ATP13A4: variants seen among roughly 807,000 people sequenced by gnomAD.
The protein encoded by ATP13A4 is probable cation-transporting ATPase 13A4.
ATP13A4 carries 114 observed loss-of-function variants against 142.5 expected under a neutral mutation model. The ratio of observed to expected loss-of-function variants is 0.80; its 90% CI spans 0.69 to 0.93. The LOEUF (loss-of-function observed/expected upper bound fraction) is 0.93. Among genes scored for constraint, ATP13A4 ranks in the 40% least tolerant of loss-of-function variants. The probability of loss-of-function intolerance (pLI) is 0.00; values close to 1 mark genes in which losing one functional copy is unlikely to be tolerated. For missense variants in ATP13A4, 1,392 were observed against 1,454.0 expected, an observed-to-expected ratio of 0.96 and a Z score of 0.69; for synonymous variants, 488 against 514.8, an observed-to-expected ratio of 0.95 and a Z score of 0.70.
intron 2 of ATP13A4, among the ~76,000 whole-genome samples, chr3:193,504,354 C>T (rs1283152550): frequency 6.6e-6 from 1 of 152,154 alleles, no homozygotes; most frequent in African/African-American, 2.4e-5. Flanking sequence ...CATTATATAG[C>T]TTTGCTTTTG....
At chr3:193,405,746 C>T (rs1396738020) in intron 29 of ATP13A4, among the ~76,000 whole-genome samples, 1 of 152,058 alleles carries the variant, frequency 6.6e-6, no homozygotes, top group African/African-American at 2.4e-5. Context: ...TTAGTTAAGT[C>T]GTTACTTGCC....
chr3:193,445,636 A>C (rs1232995255), intron 18 of ATP13A4, among the ~76,000 whole-genome samples: 1 of 151,940 alleles, frequency 6.6e-6, no homozygotes, highest in Non-Finnish European at 1.5e-5. Context: ...GCACACCTGT[A>C]GTCCCAGCTA....
chr3:193,567,615 T>C (rs1258052041), intron 2 of ATP13A4, among the ~76,000 whole-genome samples: 2 of 152,202 alleles, frequency 1.3e-5, no homozygotes, highest in Non-Finnish European at 2.9e-5. Context: ...AAGCAACCTA[T>C]GGTCACTTGG....
intron 13 of ATP13A4, among the ~76,000 whole-genome samples, chr3:193,462,157 G>T (rs1206584168): frequency 6.6e-6 from 1 of 151,242 alleles, no homozygotes; most frequent in East Asian, 1.9e-4. Context: ...AGGAGGCGGA[G>T]GTTGCAATGC....
At chr3:193,546,822 A>C (rs541693462) in intron 1 of ATP13A4, among the ~76,000 whole-genome samples, 7 of 152,278 alleles carry the variant, frequency 4.6e-5, no homozygotes, top group African/African-American at 1.7e-4. Context: ...TAACCTCCCT[A>C]TGCCTAAATT....
At chr3:193,506,685 A>G (rs1265527679) in intron 2 of ATP13A4, among the ~76,000 whole-genome samples, 1 of 152,112 alleles carries the variant, frequency 6.6e-6, no homozygotes, top group Non-Finnish European at 1.5e-5. Flanking sequence ...GGGTAATTTA[A>G]TCATGGGGGC....
In ATP13A4 at chr3:193,562,882, C is replaced by T. The variant is rs141024875; in HGVS notation, n.291+18825G>A. Among the ~76,000 whole-genome samples the T allele has an allele frequency of 4.0e-3, 601 of 151,984 alleles. 3 individuals carry two copies. The highest frequency in any genetic ancestry group is 0.017 in the South Asian group (81 of 4,804). ...GAGACTCCATCTCAAATAAAAATAA[C>T]AATAAAAATTAAAAAATCATAGTGG... On this transcript the variant is annotated intron_variant and non_coding_transcript_variant, in intron 2 of 3. Coordinates refer to the ATP13A4 transcript ENST00000489140.
chr3:193,449,536 C>T (rs1457908904), intron 17 of ATP13A4, among the ~76,000 whole-genome samples: 2 of 152,154 alleles, frequency 1.3e-5, no homozygotes, highest in Non-Finnish European at 2.9e-5. Context: ...ATGGCACTTC[C>T]CATTTTCTGA....
At chr3:193,554,671 T>C (rs1723797499) in intron 1 of ATP13A4, 69 bp downstream of exon 1, 1 of 1,458,056 alleles carries the variant, frequency 6.9e-7, no homozygotes, top group Non-Finnish European at 9.6e-7. Flanking sequence ...TGTGTGTGTG[T>C]GTGTGTGTGT....
At chr3:193,459,444 G>A (rs1366199764) in intron 13 of ATP13A4, among the ~76,000 whole-genome samples, 4 of 151,896 alleles carry the variant, frequency 2.6e-5, no homozygotes, top group African/African-American at 9.7e-5. Context: ...TTTTTCTTTT[G>A]GATACAGGGT....
intron 16 of ATP13A4, 22 bp downstream of exon 16, chr3:193,456,978 T>C: frequency 6.2e-7 from 1 of 1,603,834 alleles, no homozygotes; most frequent in East Asian, 2.2e-5. Flanking sequence ...TTGCCAGGTG[T>C]AATCCAAGTC....
chr3:193,501,422 T>C (rs1720532946), intron 3 of ATP13A4, among the ~76,000 whole-genome samples: 5 of 152,034 alleles, frequency 3.3e-5, no homozygotes, highest in Admixed American at 2.6e-4. Context: ...ATTCCGTCTC[T>C]ACTGAAAACA....
Position 193,467,506 on chromosome 3 carries a change from T to C in ATP13A4, c.944-20A>G, listed in dbSNP as rs144049735. The C allele has an allele frequency of 5.0e-6, 8 of 1,611,386 alleles. No individual in the cohort carries two copies. The African/African-American group carries it at 6.7e-5, about 13-fold the overall frequency. Reference sequence around the variant, plus strand: ...TTTCTCCTACAGAAAACAAGCATCTTGTTTTGTGAGGCAGGATGGCTTCCC... The same window carrying C: ...TTTCTCCTACAGAAAACAAGCATCTCGTTTTGTGAGGCAGGATGGCTTCCC... On this transcript the variant is annotated intron_variant, in intron 9 of 29. Coordinates refer to ENST00000342695, the MANE Select transcript of ATP13A4 (RefSeq NM_032279.4).
intron 25 of ATP13A4, among the ~76,000 whole-genome samples, chr3:193,418,126 A>T (rs1378430894): frequency 2.1e-4 from 1 of 4,766 alleles, no homozygotes; most frequent in South Asian, 7.8e-3. Context: ...CGTCTCAAAA[A>T]AAAAAAAAAA....
Position 193,459,275 on chromosome 3 carries a change from C to A in ATP13A4, c.1524-44G>T, listed in dbSNP as rs145030672. 9.0e-4 allele frequency: 1,452 copies of A among 1,611,874 alleles called. 12 individuals are homozygous for A. In the African/African-American group the frequency reaches 0.018, roughly 20 times the overall value. On this transcript the variant is annotated intron_variant, in intron 13 of 29. Coordinates refer to ENST00000342695, the MANE Select transcript of ATP13A4 (RefSeq NM_032279.4). ...TGGGTTTCCATTCCATCGCCTCATG[C>A]CAAAACAGAGCATCTTGGAGGTGAA...
intron 3 of ATP13A4, among the ~76,000 whole-genome samples, chr3:193,499,631 C>CA (rs1720428078): frequency 6.6e-6 from 1 of 152,122 alleles, no homozygotes; most frequent in Admixed American, 6.6e-5. Context: ...AAGCTAGTCC[C>CA]AAAGGAAAAT....
chr3:193,495,143 G>C lies in ATP13A4; in HGVS notation c.382-1983C>G, dbSNP rs73063915. On this transcript the variant is annotated intron_variant, in intron 3 of 29. Transcript: ENST00000342695. ...TCAAAGAAAAGCTCAGTACCTGATG[G>C]CTTCACTGCTGAATTCTACTAAACA... is the stretch of plus-strand genomic sequence containing the variant. Among the ~76,000 whole-genome samples, 1,162 of 152,128 alleles carry C rather than the reference G, an allele frequency of 7.6e-3. 18 individuals are homozygous for C. Among genetic ancestry groups the C allele is most frequent in the African/African-American group, 0.027 (1,113 of 41,540 alleles).
chr3:193,482,164 A>G (rs1379272963), intron 8 of ATP13A4, among the ~76,000 whole-genome samples: 1 of 152,208 alleles, frequency 6.6e-6, no homozygotes, highest in Admixed American at 6.5e-5. Flanking sequence ...TTGATTTTTG[A>G]CAAAAGATGA....
At chr3:193,548,688 G>C (rs1039590889) in intron 1 of ATP13A4, among the ~76,000 whole-genome samples, 1 of 152,150 alleles carries the variant, frequency 6.6e-6, no homozygotes, top group Non-Finnish European at 1.5e-5. Flanking sequence ...GAGAAGAAAA[G>C]ACGAACATCA....
Sources: allele counts gnomAD v4.1 joint callset (sites outside exome capture counted in the v4.1 genomes callset), GRCh38; gene constraint gnomAD v4.1.1; transcripts MANE v1.5; gene names NCBI Gene and HGNC (gene_info 2026-07-23, HGNC 2026-07-21).